Variants in MYO16 observed in about 807,000 individuals in gnomAD.
MYO16 encodes the protein myosin XVI, also known as unconventional myosin-XVI.
A neutral mutation model predicts 205.3 loss-of-function variants in MYO16; 94 were observed. That is an observed-to-expected ratio of 0.46 (90% confidence interval 0.39 to 0.54). MYO16 has a LOEUF of 0.54. MYO16 is among the 20% of genes least tolerant of loss of function. The pLI is 0.00. For synonymous variants in MYO16, 988 were observed against 954.0 expected (o/e 1.04, Z -0.66); for missense variants, 2,315 against 2,387.5 (o/e 0.97, Z 0.63).
Position 108,828,769 on chromosome 13 carries a change from C to T in MYO16, c.1097+5491C>T, listed in dbSNP as rs561098362. Among the ~76,000 whole-genome samples the T allele has an allele frequency of 2.4e-4, 37 of 152,198 alleles. No individual in the cohort carries two copies. In the South Asian group the frequency reaches 3.1e-3, roughly 13 times the overall value. Reference sequence around the variant, plus strand: ...GATGGCATCATTGATGCCTATGTGACGAGACACCAATAAAAACTGTGGACA... The same window carrying T: ...GATGGCATCATTGATGCCTATGTGATGAGACACCAATAAAAACTGTGGACA... On this transcript the variant is annotated intron_variant, in intron 9 of 34. Transcript: ENST00000457511.
intron 15 of MYO16, among the ~76,000 whole-genome samples, chr13:108,905,573 C>G (rs1183557627): frequency 6.6e-6 from 1 of 152,086 alleles, no homozygotes; most frequent in Non-Finnish European, 1.5e-5. Flanking sequence ...CAGATAAGTT[C>G]TCAGACAAGA....
At chr13:108,811,667 C>G (rs1193719497) in intron 7 of MYO16, among the ~76,000 whole-genome samples, 2 of 152,058 alleles carry the variant, frequency 1.3e-5, no homozygotes. Context: ...TCTCTCATGC[C>G]TAACAGAACA....
At chr13:109,088,077 T>C (rs72656244) in intron 27 of MYO16, among the ~76,000 whole-genome samples, 10,339 of 152,272 alleles carry the variant, frequency 0.068, 392 homozygotes, top group Non-Finnish European at 0.084. Flanking sequence ...CGTGATCAAA[T>C]CAGAGAACAG....
At chr13:108,649,372 G>A (rs985685109) in intron 1 of MYO16, among the ~76,000 whole-genome samples, 5 of 152,238 alleles carry the variant, frequency 3.3e-5, no homozygotes, top group Admixed American at 1.3e-4. Flanking sequence ...TTCCAGTCCC[G>A]TGGGCAGTTG....
At chr13:109,144,261 C>T (rs1391846749) in intron 32 of MYO16, among the ~76,000 whole-genome samples, 13 of 152,048 alleles carry the variant, frequency 8.5e-5, no homozygotes, top group African/African-American at 3.1e-4. Flanking sequence ...GTGATCTGCC[C>T]GCCTCAGCCT....
intron 32 of MYO16, among the ~76,000 whole-genome samples, 169 bp from the exon 33 acceptor site, chr13:109,164,732 G>A (rs1878558722): frequency 1.3e-5 from 2 of 151,956 alleles, no homozygotes; most frequent in African/African-American, 4.8e-5. Flanking sequence ...CATTGTTGTG[G>A]CAAAATTTGG....
At chr13:108,634,997 A>G (rs1880159223) in intron 1 of MYO16, among the ~76,000 whole-genome samples, 1 of 152,206 alleles carries the variant, frequency 6.6e-6, no homozygotes, top group African/African-American at 2.4e-5. Context: ...CTTGATAGCT[A>G]AGTAGTGTAA....
chr13:108,730,764 G>C (rs1446064006), intron 4 of MYO16, among the ~76,000 whole-genome samples: 1 of 152,156 alleles, frequency 6.6e-6, no homozygotes, highest in African/African-American at 2.4e-5. Context: ...ATTTGGAGAA[G>C]TGTTATATTG....
chr13:108,765,815 C>T (rs1319914390), intron 4 of MYO16, among the ~76,000 whole-genome samples: 3 of 152,064 alleles, frequency 2.0e-5, no homozygotes, highest in South Asian at 2.1e-4. Flanking sequence ...TTTGTTATTT[C>T]GTGTGGCAGC....
chr13:108,859,611 T>C (rs1215459848), intron 11 of MYO16, among the ~76,000 whole-genome samples: 1 of 152,084 alleles, frequency 6.6e-6, no homozygotes, highest in East Asian at 1.9e-4. Context: ...TCTCCAACCT[T>C]CAAACAGAAA....
intron 14 of MYO16, among the ~76,000 whole-genome samples, chr13:108,896,067 G>A (rs1594377376): frequency 6.6e-6 from 1 of 152,040 alleles, no homozygotes; most frequent in African/African-American, 2.4e-5. Flanking sequence ...TCACTCCCAG[G>A]CACATGCATT....
chr13:108,847,824 T>A (rs1384862428), intron 10 of MYO16, among the ~76,000 whole-genome samples: 1 of 152,036 alleles, frequency 6.6e-6, no homozygotes, highest in Non-Finnish European at 1.5e-5. Flanking sequence ...TCCCATCCCA[T>A]CCCTCCCCGA....
chr13:108,889,833 C>G (rs533680794), intron 14 of MYO16, among the ~76,000 whole-genome samples: 1 of 152,244 alleles, frequency 6.6e-6, no homozygotes, highest in Non-Finnish European at 1.5e-5. Context: ...AGATGCAGAC[C>G]TGCCTGTCCA....
At chr13:108,661,195 T>G (rs1362208066) in intron 1 of MYO16, among the ~76,000 whole-genome samples, 2 of 152,178 alleles carry the variant, frequency 1.3e-5, no homozygotes, top group African/African-American at 2.4e-5. Flanking sequence ...ACCTGGTGCT[T>G]CTGTCTCAGA....
intron 4 of MYO16, among the ~76,000 whole-genome samples, chr13:108,773,940 A>G (rs773065369): frequency 3.6e-4 from 55 of 152,064 alleles, no homozygotes; most frequent in Non-Finnish European, 7.4e-4. Flanking sequence ...AAAAATACAA[A>G]AATTAGCTGG....
At chr13:108,756,417 T>C (rs1885424023) in intron 4 of MYO16, among the ~76,000 whole-genome samples, 2 of 152,166 alleles carry the variant, frequency 1.3e-5, no homozygotes, top group African/African-American at 4.8e-5. Context: ...GAAACACATC[T>C]GTACCATCTA....
chr13:108,731,312 T>A (rs1884515117), intron 4 of MYO16, among the ~76,000 whole-genome samples: 1 of 152,162 alleles, frequency 6.6e-6, no homozygotes, highest in South Asian at 2.1e-4. Context: ...AATCAACAAA[T>A]GAATGAAAGA....
the MYO16 span, among the ~76,000 whole-genome samples, chr13:108,516,330 C>G: frequency 2.0e-5 from 3 of 151,804 alleles, no homozygotes; most frequent in African/African-American, 7.3e-5. Context: ...CGCCCTGCTT[C>G]GGCTCGCGCA....
chr13:108,804,588 A>C (rs983216003), intron 6 of MYO16, among the ~76,000 whole-genome samples: 5 of 152,184 alleles, frequency 3.3e-5, no homozygotes, highest in Non-Finnish European at 7.3e-5. Context: ...CACAGAGGCT[A>C]GCTGTTTGCT....
Sources: gnomAD v4.1 joint callset for allele counts (sites outside exome capture counted in the v4.1 genomes callset) on GRCh38, gnomAD v4.1.1 for gene constraint, MANE v1.5 for transcripts, NCBI Gene and HGNC (gene_info 2026-07-23, HGNC 2026-07-21) for gene names.